TRPM3: variants seen among roughly 807,000 people sequenced by gnomAD.
TRPM3 encodes the protein long transient receptor potential channel 3.
A neutral mutation model predicts 181.2 loss-of-function variants in TRPM3; 77 were observed. The ratio of observed to expected loss-of-function variants is 0.42; its 90% confidence interval spans 0.35 to 0.51. The LOEUF (loss-of-function observed/expected upper bound fraction) is 0.51. TRPM3 is among the 20% of genes least tolerant of loss of function. The probability of loss-of-function intolerance (pLI) is 0.01; values close to 1 mark genes in which losing one functional copy is unlikely to be tolerated. For synonymous variants in TRPM3, 745 were observed against 796.4 expected, an observed-to-expected ratio of 0.94 and a Z score of 1.09; for missense variants, 1,759 against 2,196.7, an observed-to-expected ratio of 0.80 and a Z score of 3.98.
At chr9:70,868,284 C>T (rs555334844) in intron 1 of TRPM3, among the ~76,000 whole-genome samples, 3 of 151,888 alleles carry the variant, frequency 2.0e-5, no homozygotes, top group African/African-American at 7.2e-5. Flanking sequence ...TTTTCAAAGG[C>T]TAATAATTAA....
At chr9:71,292,537 G>A (rs1039440460) in intron 1 of TRPM3, among the ~76,000 whole-genome samples, 4 of 151,864 alleles carry the variant, frequency 2.6e-5, no homozygotes, top group African/African-American at 9.7e-5. Context: ...TCTTAGAAAT[G>A]TGTGAATTAT....
intron 10 of TRPM3, among the ~76,000 whole-genome samples, chr9:70,639,782 C>G (rs1012980456): frequency 1.6e-4 from 25 of 152,174 alleles, no homozygotes; most frequent in African/African-American, 6.0e-4. Flanking sequence ...ATCCATTTCA[C>G]AAAAATGTTG....
chr9:70,811,334 T>A, intron 6 of TRPM3: 1 of 1,121,498 alleles, frequency 8.9e-7, no homozygotes. Context: ...TTTACATAAA[T>A]TTATATACGT....
intron 1 of TRPM3, among the ~76,000 whole-genome samples, chr9:70,979,889 G>T (rs1388290858): frequency 2.0e-5 from 3 of 152,108 alleles, no homozygotes; most frequent in African/African-American, 7.2e-5. Context: ...GGGAGAGGAA[G>T]GGGTAGGGAC....
intron 6 of TRPM3, chr9:70,824,658 C>T (rs1044460275): frequency 1.3e-5 from 2 of 152,158 alleles, no homozygotes; most frequent in Admixed American, 6.5e-5. Context: ...GAACTCCTGA[C>T]ATCGTGATCC....
chr9:71,000,714 T>C (rs2097589783), intron 1 of TRPM3, among the ~76,000 whole-genome samples: 1 of 152,194 alleles, frequency 6.6e-6, no homozygotes, highest in South Asian at 2.1e-4. Flanking sequence ...CTTCACATAG[T>C]TAACAAGAAG....
At chr9:71,408,828 G>GA (rs2093487266) in intron 1 of TRPM3, among the ~76,000 whole-genome samples, 1 of 152,050 alleles carries the variant, frequency 6.6e-6, no homozygotes, top group Non-Finnish European at 1.5e-5. Flanking sequence ...TGAAATGAAG[G>GA]AAAAAAGTTT....
At chr9:71,024,159 G>A (rs759976349) in intron 1 of TRPM3, among the ~76,000 whole-genome samples, 7 of 152,122 alleles carry the variant, frequency 4.6e-5, no homozygotes, top group Non-Finnish European at 1.0e-4. Context: ...TGTAAATGTA[G>A]AATTAGCTCA....
chr9:70,620,430 A>T (rs1413427762), intron 15 of TRPM3, 65 bp from the exon 16 acceptor site: 3 of 1,513,366 alleles, frequency 2.0e-6, no homozygotes, highest in Non-Finnish European at 1.8e-6. Context: ...AGCAAGTAGC[A>T]GTTGTATATC....
chr9:71,083,944 A>C (rs2064842584), intron 1 of TRPM3, among the ~76,000 whole-genome samples: 1 of 151,872 alleles, frequency 6.6e-6, no homozygotes, highest in Non-Finnish European at 1.5e-5. Flanking sequence ...AAAGTCAGTA[A>C]ATTTCCTGGC....
chr9:71,044,887 G>A lies in TRPM3; in HGVS notation c.177+76291C>T, dbSNP rs182931339. On this transcript the variant is annotated intron_variant, in intron 1 of 25. Coordinates refer to ENST00000677713, the MANE Select transcript of TRPM3 (RefSeq NM_001366145.2). ...GGGGTTTCACCATGTTAGCCAGGAT[G>A]ATCTCGATCTCCTGACCTCGTGATC... is the stretch of plus-strand genomic sequence containing the variant. 9.1e-3 allele frequency among the ~76,000 whole-genome samples: 1,379 copies of A among 152,070 alleles called. 11 individuals are homozygous for A. Among genetic ancestry groups the A allele is most frequent in the Middle Eastern group, 0.041 (12 of 294 alleles).
intron 1 of TRPM3, among the ~76,000 whole-genome samples, chr9:71,337,879 C>A (rs2132583306): frequency 6.6e-6 from 1 of 152,156 alleles, no homozygotes; most frequent in Middle Eastern, 3.4e-3. Context: ...GGGAGTTGAA[C>A]AATGAGAACA....
At chr9:71,384,418 C>A (rs1039081313) in intron 1 of TRPM3, among the ~76,000 whole-genome samples, 1 of 152,168 alleles carries the variant, frequency 6.6e-6, no homozygotes, top group Non-Finnish European at 1.5e-5. Flanking sequence ...ATTAATTTGG[C>A]AAAGACTTTT....
At chr9:71,419,946 T>G (rs1208645387) in intron 1 of TRPM3, among the ~76,000 whole-genome samples, 2 of 151,944 alleles carry the variant, frequency 1.3e-5, no homozygotes, top group African/African-American at 2.4e-5. Context: ...CTCCTAAGAT[T>G]TGTTCAATAA....
intron 1 of TRPM3, among the ~76,000 whole-genome samples, chr9:71,332,845 T>C (rs760981710): frequency 2.6e-5 from 4 of 151,862 alleles, no homozygotes; most frequent in Admixed American, 6.6e-5. Flanking sequence ...GCTTTGCTGG[T>C]TTCTAAGTGT....
At chr9:70,650,752 C>A in intron 9 of TRPM3, among the ~76,000 whole-genome samples, 1 of 152,210 alleles carries the variant, frequency 6.6e-6, no homozygotes, top group Non-Finnish European at 1.5e-5. Flanking sequence ...GGGTTTTTCA[C>A]AATGTATATT....
intron 8 of TRPM3, among the ~76,000 whole-genome samples, chr9:70,686,830 T>TC (rs1298240283): frequency 2.0e-5 from 2 of 100,232 alleles, no homozygotes; most frequent in Non-Finnish European, 2.0e-5. Flanking sequence ...TTTTTCTTTT[T>TC]TTTTTTCTTT....
At chr9:71,091,584 C>T (rs1221155017) in intron 1 of TRPM3, among the ~76,000 whole-genome samples, 1 of 152,050 alleles carries the variant, frequency 6.6e-6, no homozygotes, top group African/African-American at 2.4e-5. Context: ...AACGCAGATC[C>T]AGGGAGAGAA....
Position 70,671,592 on chromosome 9 carries a change from A to T in TRPM3, c.1345+9914T>A, listed in dbSNP as rs557983994. ...GGTAATAAGTGATATATTTAGGTTT[A>T]CTTGAAGTAAACTTTATGAGTATGA... On this transcript the variant is annotated intron_variant, in intron 9 of 25. Transcript: ENST00000677713. 2.6e-5 allele frequency among the ~76,000 whole-genome samples: 4 copies of T among 152,352 alleles called. No homozygotes were observed. The South Asian group carries it at 8.3e-4, about 32-fold the overall frequency.
Sources: allele counts gnomAD v4.1 joint callset (sites outside exome capture counted in the v4.1 genomes callset), GRCh38; gene constraint gnomAD v4.1.1; transcripts MANE v1.5; gene names NCBI Gene and HGNC (gene_info 2026-07-23, HGNC 2026-07-21).